Variants in KDM2A observed in about 807,000 individuals in gnomAD.
KDM2A encodes lysine demethylase 2A, also known as lysine-specific demethylase 2A.
In KDM2A, 3 loss-of-function variants were observed where a neutral mutation model predicts 137.3. The observed-to-expected ratio is 0.02, with a 90% confidence interval of 0.01 to 0.06. The LOEUF is 0.06. Ranked by LOEUF, KDM2A falls within the 10% of genes least tolerant of loss-of-function variation. The pLI, the probability that KDM2A is intolerant of heterozygous loss-of-function variation, is 1.00. For missense variants in KDM2A, 738 were observed against 1,510.6 expected (o/e 0.49, Z 8.48); for synonymous variants, 512 against 541.5 (o/e 0.95, Z 0.76).
intron 15 of KDM2A, among the ~76,000 whole-genome samples, chr11:67,247,102 TTTTG>T (rs1859271852): frequency 8.4e-6 from 1 of 119,368 alleles, no homozygotes; most frequent in African/African-American, 3.4e-5. Context: ...TTTTTTTTTT[TTTTG>T]GAGACAGAGT....
chr11:67,227,237 G>A (rs142737000), intron 10 of KDM2A, among the ~76,000 whole-genome samples: 2,244 of 152,260 alleles, frequency 0.015, 24 homozygotes, highest in Non-Finnish European at 0.025. Flanking sequence ...GCTGAGCATC[G>A]ATAGTGGAGA....
chr11:67,158,327 A>G (rs1032075614), intron 2 of KDM2A, among the ~76,000 whole-genome samples: 21 of 152,126 alleles, frequency 1.4e-4, no homozygotes, highest in African/African-American at 1.4e-4. Context: ...TCATTTACCT[A>G]TTGAAGGACA....
At chr11:67,170,865 C>G (rs1381739074) in intron 2 of KDM2A, among the ~76,000 whole-genome samples, 1 of 152,236 alleles carries the variant, frequency 6.6e-6, no homozygotes, top group East Asian at 1.9e-4. Flanking sequence ...TGGTCGAAGT[C>G]TCAAGTGGAT....
intron 12 of KDM2A, among the ~76,000 whole-genome samples, chr11:67,234,419 GA>G (rs1428091662): frequency 1.3e-5 from 2 of 152,312 alleles, no homozygotes; most frequent in Admixed American, 1.3e-4. Context: ...GAGATGAGGG[GA>G]AAAGTGGTAG....
chr11:67,228,307 A>G, intron 11 of KDM2A, 144 bp downstream of exon 11: 1 of 848,532 alleles, frequency 1.2e-6, no homozygotes, highest in Non-Finnish European at 1.8e-6. Context: ...CTGGAATTGA[A>G]TACCAGTTAC....
rs1304308571 is a variant in KDM2A at position 67,169,756 on chromosome 11, TCTC to T, written c.43-10322_43-10320del. Among the ~76,000 whole-genome samples, 251 of 48,716 alleles carry T rather than the reference TCTC, an allele frequency of 5.2e-3. 1 individual carries two copies. The highest frequency in any genetic ancestry group is 0.023 in the Non-Finnish European group (191 of 8,412). The allele number at this position is 48,716 out of a possible 152,430, so 32.0% of individuals were successfully genotyped here. On this transcript the variant is annotated intron_variant, in intron 2 of 20. Transcript: ENST00000529006. The stretch of plus-strand genomic sequence containing the variant: ...CCTTCTCTCTCTCTCTCTCTCTCTC[TCTC>T]TTTTTTTTTTTTTTTTGAGACGGAG...
At chr11:67,183,188 G>C (rs1436500450) in intron 5 of KDM2A, among the ~76,000 whole-genome samples, 2 of 152,182 alleles carry the variant, frequency 1.3e-5, no homozygotes, top group African/African-American at 4.8e-5. Flanking sequence ...GAATATAGTA[G>C]GTGCTCAGTA....
At chr11:67,167,105 C>T (rs951304031) in intron 2 of KDM2A, among the ~76,000 whole-genome samples, 1 of 152,032 alleles carries the variant, frequency 6.6e-6, no homozygotes, top group Non-Finnish European at 1.5e-5. Context: ...TTTAATATTG[C>T]GAGTTACTGC....
chr11:67,191,921 TTTTA>T (rs781515026), intron 5 of KDM2A, among the ~76,000 whole-genome samples: 4 of 152,172 alleles, frequency 2.6e-5, no homozygotes, highest in Non-Finnish European at 1.5e-5. Flanking sequence ...GATATGACTT[TTTTA>T]TTTGTTATTA....
intron 6 of KDM2A, among the ~76,000 whole-genome samples, chr11:67,211,323 T>C (rs1286580016): frequency 2.0e-5 from 3 of 152,024 alleles, no homozygotes; most frequent in East Asian, 1.9e-4. Flanking sequence ...AGTCAAAATA[T>C]AGAAAATAAG....
chr11:67,177,079 G>A (rs1029538200), intron 2 of KDM2A, among the ~76,000 whole-genome samples: 6 of 152,160 alleles, frequency 3.9e-5, no homozygotes, highest in East Asian at 1.9e-4. Flanking sequence ...CCAACATGGC[G>A]AAACCCTGTC....
At chr11:67,210,578 G>A (rs1033187279) in intron 6 of KDM2A, among the ~76,000 whole-genome samples, 2 of 151,944 alleles carry the variant, frequency 1.3e-5, no homozygotes, top group African/African-American at 2.4e-5. Flanking sequence ...ATTAAAGGGC[G>A]GAGAAGAACC....
chr11:67,232,881 T>A (rs1273889429), intron 12 of KDM2A, among the ~76,000 whole-genome samples: 1 of 151,932 alleles, frequency 6.6e-6, no homozygotes, highest in Non-Finnish European at 1.5e-5. Context: ...CTAATTTTTT[T>A]ATATTTTTGA....
intron 2 of KDM2A, among the ~76,000 whole-genome samples, chr11:67,179,666 C>T (rs537139489): frequency 3.1e-4 from 47 of 152,282 alleles, no homozygotes; most frequent in African/African-American, 1.1e-3. Context: ...TTTGAGATTG[C>T]TTTACCAAGC....
chr11:67,224,828 A>ATTTTTTT lies in KDM2A; in HGVS notation c.958-3186_958-3180dup, dbSNP rs764581976. 2.6e-4 allele frequency among the ~76,000 whole-genome samples: 17 copies of ATTTTTTT among 66,290 alleles called. 3 individuals are homozygous for ATTTTTTT. The highest frequency in any genetic ancestry group is 1.4e-3 in the African/African-American group (17 of 12,008). 43.5% of individuals were successfully genotyped at this position (66,290 alleles called of 152,430 possible). On this transcript the variant is annotated intron_variant, in intron 10 of 20. Transcript: ENST00000529006. ...ACCAGGGGCACTTGGCAGCTGCAGC[A>ATTTTTTT]TTTTTTTTTTTTTTTTTTTTTTTTT...
In KDM2A at chr11:67,250,508, T is replaced by G. The variant is rs750761051; in HGVS notation, c.2478T>G (p.Ser826=). 1 of 1,614,016 alleles carries G rather than the reference T, an allele frequency of 6.2e-7. No individual in the cohort carries two copies. Among genetic ancestry groups the G allele is most frequent in the South Asian group, 1.1e-5 (1 of 91,086 alleles). The stretch of plus-strand genomic sequence containing the variant: ...AGCTGCAGGCCATCACGGCCTCCTC[T>G]GCCAACCTTCGCCATTCCCCCCGTG... ...VPKLQAITAS[S]ANLRHSPRVL... is the part of the protein sequence containing the mutation. Residue 826 remains serine (S), a synonymous_variant, in exon 17 of 21, where the codon TCT becomes TCG. Coordinates refer to ENST00000529006, the MANE Select transcript of KDM2A (RefSeq NM_012308.3). This position sits in a 1 kb window ranked among gnomAD's most constrained non-coding sequence, Gnocchi z 7.1.
intron 12 of KDM2A, among the ~76,000 whole-genome samples, chr11:67,236,085 T>C (rs892143677): frequency 6.6e-6 from 1 of 152,212 alleles, no homozygotes; most frequent in African/African-American, 2.4e-5. Context: ...CCCAGCCTGC[T>C]AATAGCAGGG....
At chr11:67,166,377 G>A (rs1856745360) in intron 2 of KDM2A, among the ~76,000 whole-genome samples, 1 of 151,840 alleles carries the variant, frequency 6.6e-6, no homozygotes, top group African/African-American at 2.4e-5. Flanking sequence ...GTAGAGACAG[G>A]ATTTTGTCAG....
intron 2 of KDM2A, among the ~76,000 whole-genome samples, chr11:67,138,507 A>T (rs1856020700): frequency 6.6e-6 from 1 of 152,146 alleles, no homozygotes; most frequent in Non-Finnish European, 1.5e-5. Context: ...TGGGCTGGGC[A>T]CGGTGGCTCA....
Sources: allele counts gnomAD v4.1 joint callset (sites outside exome capture counted in the v4.1 genomes callset), GRCh38; gene constraint gnomAD v4.1.1; non-coding constraint Gnocchi (gnomAD v3.1); transcripts MANE v1.5; gene names NCBI Gene and HGNC (gene_info 2026-07-23, HGNC 2026-07-21).